ESR2: variants seen among roughly 807,000 people sequenced by gnomAD.
ESR2 encodes the protein estrogen receptor beta.
Under a neutral mutation model 49.6 loss-of-function variants are expected in ESR2, and 36 were observed. That is an observed-to-expected ratio of 0.73 (90% CI 0.56 to 0.96). The LOEUF (loss-of-function observed/expected upper bound fraction) is 0.96. Ranked by LOEUF, ESR2 falls within the 40% of genes least tolerant of loss-of-function variation. The probability of loss-of-function intolerance (pLI) is 0.00; values close to 1 mark genes in which losing one functional copy is unlikely to be tolerated. For synonymous variants in ESR2, 320 were observed against 266.1 expected (o/e 1.20, Z -1.97); for missense variants, 714 against 693.0 (o/e 1.03, Z -0.34).
At chr14:64,272,297 T>C (rs774370762) in intron 3 of ESR2, among the ~76,000 whole-genome samples, 15 of 152,248 alleles carry the variant, frequency 9.9e-5, no homozygotes, top group Non-Finnish European at 2.1e-4. Flanking sequence ...TTCTGATTGT[T>C]AATACCTTGT....
At chr14:64,320,153 C>T (rs1385130962) in intron 1 of ESR2, among the ~76,000 whole-genome samples, 4 of 152,000 alleles carry the variant, frequency 2.6e-5, no homozygotes, top group Admixed American at 1.3e-4. Context: ...ATTAAGCCAC[C>T]AAAAGACATG....
intron 1 of ESR2, among the ~76,000 whole-genome samples, chr14:64,290,562 C>T (rs1393629486): frequency 2.0e-5 from 3 of 151,996 alleles, no homozygotes; most frequent in Non-Finnish European, 2.9e-5. Context: ...GCCACCATGG[C>T]CAGCTAATTT....
intron 6 of ESR2, among the ~76,000 whole-genome samples, chr14:64,251,423 A>ACACACACACACT (rs969908127): frequency 7.2e-6 from 1 of 139,012 alleles, no homozygotes; most frequent in African/African-American, 2.5e-5. Context: ...ACACACACAC[A>ACACACACACACT]CACACACTCA....
chr14:64,299,265 T>C (rs1382272466), upstream of ESR2, among the ~76,000 whole-genome samples: 3 of 152,218 alleles, frequency 2.0e-5, no homozygotes, highest in Non-Finnish European at 2.9e-5. Flanking sequence ...TAAAGTTTTT[T>C]CTACATCTTC....
At chr14:64,316,238 C>G (rs1324121254) in intron 1 of ESR2, among the ~76,000 whole-genome samples, 1 of 150,794 alleles carries the variant, frequency 6.6e-6, no homozygotes, top group Non-Finnish European at 1.5e-5. Flanking sequence ...TCTCAAACTC[C>G]TGGGCTCAAG....
At chr14:64,318,537 C>CAAAAAAAAAAA (rs58597271) in intron 1 of ESR2, among the ~76,000 whole-genome samples, 11 of 32,426 alleles carry the variant, frequency 3.4e-4, no homozygotes, top group Non-Finnish European at 4.0e-4. Flanking sequence ...AACTCCATCT[C>CAAAAAAAAAAA]AAAAAAAAAA....
At chr14:64,268,729 C>T in intron 4 of ESR2, 66 bp downstream of exon 4, 2 of 889,690 alleles carry the variant, frequency 2.2e-6, no homozygotes, top group Non-Finnish European at 1.8e-6. Context: ...TACCTGTCCC[C>T]AGTTCCTCAG....
intron 7 of ESR2, among the ~76,000 whole-genome samples, chr14:64,245,240 A>T (rs2075823515): frequency 6.6e-6 from 1 of 152,200 alleles, no homozygotes; most frequent in Non-Finnish European, 1.5e-5. Flanking sequence ...CCTTAAAAGA[A>T]GATCTCTGGC....
intron 7 of ESR2, among the ~76,000 whole-genome samples, chr14:64,245,213 T>C (rs2075822910): frequency 6.6e-6 from 1 of 152,154 alleles, no homozygotes; most frequent in Non-Finnish European, 1.5e-5. Context: ...TTGTTATGAC[T>C]ACCAAGAAAG....
chr14:64,309,205 C>A (rs1287651206), intron 1 of ESR2, among the ~76,000 whole-genome samples: 2 of 152,062 alleles, frequency 1.3e-5, no homozygotes, highest in Non-Finnish European at 2.9e-5. Flanking sequence ...AAGGAGAGCC[C>A]CTGTAACTCA....
intron 1 of ESR2, among the ~76,000 whole-genome samples, chr14:64,313,571 A>AAGAG (rs1400831289): frequency 4.0e-4 from 60 of 150,794 alleles, no homozygotes; most frequent in African/African-American, 1.4e-3. Context: ...GAGAGAGAGA[A>AAGAG]AGAGAAAGAA....
intron 7 of ESR2, among the ~76,000 whole-genome samples, chr14:64,241,859 T>G (rs2075734913): frequency 6.6e-6 from 1 of 152,272 alleles, no homozygotes; most frequent in Admixed American, 6.5e-5. Context: ...CTTTCACTTC[T>G]ACCTTTCCAA....
At chr14:64,242,849 A>AAG (rs10691382) in intron 7 of ESR2, among the ~76,000 whole-genome samples, 99,359 of 151,914 alleles carry the variant, frequency 0.65, 34,071 homozygotes, top group African/African-American at 0.88. Flanking sequence ...ATACAAAAGA[A>AAG]AGGTTTATTG....
At chr14:64,305,453 G>A (rs990742248) in intron 1 of ESR2, among the ~76,000 whole-genome samples, 111 of 148,504 alleles carry the variant, frequency 7.5e-4, no homozygotes, top group African/African-American at 2.2e-3. Context: ...GGCGGATCAC[G>A]AGGTCAGGAG....
downstream of ESR2, chr14:64,228,175 G>A: frequency 1.4e-6 from 1 of 702,724 alleles, no homozygotes; most frequent in Non-Finnish European, 2.1e-6. Context: ...GTGTTCAGGT[G>A]CCCTTTCCCA....
At chr14:64,252,419 A>G (rs2076007643) in intron 6 of ESR2, among the ~76,000 whole-genome samples, 1 of 152,200 alleles carries the variant, frequency 6.6e-6, no homozygotes, top group Non-Finnish European at 1.5e-5. Flanking sequence ...TTTGCACACT[A>G]TCTGTCCATA....
Position 64,229,879 on chromosome 14 carries a change from T to TA in ESR2, c.*3257dup, listed in dbSNP as rs199946033. 5.9e-5 allele frequency among the ~76,000 whole-genome samples: 9 copies of TA among 151,274 alleles called. No homozygotes were observed. The East Asian group carries it at 9.7e-4, about 16-fold the overall frequency. ...TCTTTTTAAAAGATTTTCAGCAACT[T>TA]AAAAAAAAATGTGGCGGGGCTGGGC... On this transcript the variant is annotated 3_prime_UTR_variant, in exon 9 of 9. Coordinates refer to ENST00000341099, the MANE Select transcript of ESR2 (RefSeq NM_001437.3).
intron 3 of ESR2, among the ~76,000 whole-genome samples, chr14:64,275,426 T>A (rs944770668): frequency 6.6e-6 from 1 of 152,214 alleles, no homozygotes; most frequent in African/African-American, 2.4e-5. Flanking sequence ...TCCATTTGCA[T>A]GAAATATTTT....
intron 5 of ESR2, 24 bp from the exon 6 acceptor site, chr14:64,257,388 G>A (rs2140712584): frequency 6.2e-7 from 1 of 1,612,032 alleles, no homozygotes; most frequent in African/African-American, 1.3e-5. Flanking sequence ...GAGGCGGTGA[G>A]ACACCCCCAC....
Sources: allele counts gnomAD v4.1 joint callset (sites outside exome capture counted in the v4.1 genomes callset), GRCh38; gene constraint gnomAD v4.1.1; transcripts MANE v1.5; gene names NCBI Gene and HGNC (gene_info 2026-07-23, HGNC 2026-07-21).